The following CRACD variants were observed in gnomAD, a reference collection of about 807,000 sequenced individuals.
CRACD encodes the protein capping protein-inhibiting regulator of actin dynamics.
CRACD carries 56 observed loss-of-function variants against 106.8 expected under a neutral mutation model. That is an observed-to-expected ratio of 0.52 (90% CI 0.42 to 0.66). The LOEUF is 0.66. CRACD is among the 30% of genes least tolerant of loss of function. CRACD has a pLI of 0.00. For synonymous variants in CRACD, 754 were observed against 670.8 expected (o/e 1.12, Z -1.92); for missense variants, 1,730 against 1,623.2 (o/e 1.07, Z -1.13).
chr4:56,131,268 A>G (rs539570368), intron 1 of CRACD, among the ~76,000 whole-genome samples: 1 of 152,302 alleles, frequency 6.6e-6, no homozygotes, highest in Non-Finnish European at 1.5e-5. Flanking sequence ...CATCTCGATT[A>G]AGTGCTATAG....
At chr4:56,298,119 T>C in intron 3 of CRACD, 95 bp from the exon 4 acceptor site, 2 of 1,334,588 alleles carry the variant, frequency 1.5e-6, no homozygotes, top group South Asian at 1.4e-5. Flanking sequence ...AGACTGGGAA[T>C]GTGGGTGGAG....
At chr4:56,264,535 T>G (rs992499476) in intron 2 of CRACD, among the ~76,000 whole-genome samples, 4 of 152,200 alleles carry the variant, frequency 2.6e-5, no homozygotes, top group Non-Finnish European at 4.4e-5. Flanking sequence ...GTTCTCTGCC[T>G]CTGACCCCTG....
Position 56,197,947 on chromosome 4 carries a change from A to G in CRACD, c.-189+18517A>G, listed in dbSNP as rs1439640317. ...CCGCCTCGGCCTCCCAAAATGCTGG[A>G]ATTACAGGCGTGAGCACCTGCACCC... On this transcript the variant is annotated intron_variant, in intron 2 of 10. Transcript: ENST00000682029. Among the ~76,000 whole-genome samples the G allele has an allele frequency of 2.0e-5, 3 of 152,054 alleles. No individual in the cohort carries two copies. The East Asian group carries it at 5.8e-4, about 29-fold the overall frequency.
intron 4 of CRACD, among the ~76,000 whole-genome samples, chr4:56,306,213 G>C (rs1270886510): frequency 1.3e-5 from 2 of 152,166 alleles, no homozygotes; most frequent in East Asian, 3.8e-4. Context: ...TAAATATCAG[G>C]CCAGGTGTGG....
intron 10 of CRACD, 88 bp from the exon 11 acceptor site, chr4:56,327,556 T>C (rs1560545961): frequency 8.7e-7 from 1 of 1,146,242 alleles, no homozygotes; most frequent in Non-Finnish European, 1.3e-6. Context: ...TCATGATAAA[T>C]ACATAGTTTA....
At chr4:56,211,107 T>C (rs756815956) in intron 2 of CRACD, among the ~76,000 whole-genome samples, 2 of 152,240 alleles carry the variant, frequency 1.3e-5, no homozygotes, top group Admixed American at 6.5e-5. Flanking sequence ...TCAAGTTCAA[T>C]GTTGTGCATT....
intron 1 of CRACD, among the ~76,000 whole-genome samples, chr4:56,151,442 A>T (rs1735575582): frequency 6.6e-6 from 1 of 152,140 alleles, no homozygotes; most frequent in African/African-American, 2.4e-5. Context: ...TTGCAAATAC[A>T]ATACAAATAA....
chr4:56,150,593 T>C (rs1383842013), intron 1 of CRACD, among the ~76,000 whole-genome samples: 1 of 152,228 alleles, frequency 6.6e-6, no homozygotes, highest in East Asian at 1.9e-4. Flanking sequence ...ACTTTTGTGA[T>C]AATAATTACC....
Position 56,298,326 on chromosome 4 carries a change from C to G in CRACD, c.97C>G (p.Leu33Val). ...TVQAMSQDNI[L>V]GKVKTLQQQL... ...TCAAGCAATGTCACAGGACAACATC[C>G]TGGGCAAAGTCAAAACTCTTCAGGT... The change falls in exon 4 of 11, where the codon CTG (leucine) becomes GTG (valine). Residue 33 changes from leucine to valine, a missense_variant. Physicochemically the swap from Leu to Val is conservative, Grantham distance 32 (BLOSUM62 1). This residue lies in a region of CRACD where 1,620 missense variants were observed against 1,481.6 expected (regional missense o/e 1.09). Coordinates refer to ENST00000682029, the MANE Select transcript of CRACD (RefSeq NM_001393381.1). 6.2e-7 allele frequency: 1 copy of G among 1,614,142 alleles called. No individual in the cohort carries two copies. Among genetic ancestry groups the G allele is most frequent in the Middle Eastern group, 1.6e-4 (1 of 6,062 alleles).
Position 56,058,621 on chromosome 4 carries a change from G to A in CRACD, c.-336+9322G>A, listed in dbSNP as rs550881762. Among the ~76,000 whole-genome samples, 3 of 152,254 alleles carry A rather than the reference G, an allele frequency of 2.0e-5. No homozygotes were observed. In the East Asian group the frequency reaches 5.8e-4, roughly 29 times the overall value. On this transcript the variant is annotated intron_variant, in intron 1 of 10. Coordinates refer to ENST00000682029, the MANE Select transcript of CRACD (RefSeq NM_001393381.1). ...TTCCTGTCAGTTTTGTGAGCATAAT[G>A]GTCTTTAACTAGCAAAGATAAAAAG...
intron 2 of CRACD, among the ~76,000 whole-genome samples, chr4:56,209,411 C>T (rs1247643567): frequency 6.6e-6 from 1 of 151,988 alleles, no homozygotes; most frequent in Admixed American, 6.6e-5. Flanking sequence ...CTTCCATCAT[C>T]AAAAGCATAT....
At chr4:56,104,533 A>T (rs1273346436) in intron 1 of CRACD, among the ~76,000 whole-genome samples, 1 of 152,202 alleles carries the variant, frequency 6.6e-6, no homozygotes, top group Non-Finnish European at 1.5e-5. Flanking sequence ...TAGCTTTGAC[A>T]TTTATTTCTT....
Position 56,090,144 on chromosome 4 carries a change from C to CT in CRACD, c.-336+40853dup, listed in dbSNP as rs1000877423. Among the ~76,000 whole-genome samples the CT allele has an allele frequency of 3.5e-5, 5 of 144,506 alleles. No homozygotes were observed. The South Asian group carries it at 6.8e-4, about 20-fold the overall frequency. The allele number at this position is 144,506 out of a possible 152,430, so 94.8% of individuals were successfully genotyped here. On this transcript the variant is annotated intron_variant, in intron 1 of 10. Transcript: ENST00000682029. The stretch of plus-strand genomic sequence containing the variant: ...AATATGAAAGGTAAACTTTATTTTC[C>CT]TTTTTTTTAAAAAAAAAAAAAAACT...
At chr4:56,105,424 A>G (rs994183669) in intron 1 of CRACD, among the ~76,000 whole-genome samples, 20 of 152,190 alleles carry the variant, frequency 1.3e-4, no homozygotes, top group African/African-American at 3.6e-4. Context: ...GCTTGAGGCC[A>G]GGAGGTTGAG....
intron 1 of CRACD, among the ~76,000 whole-genome samples, chr4:56,086,275 GTGTT>G (rs965690467): frequency 2.6e-5 from 4 of 152,188 alleles, no homozygotes; most frequent in East Asian, 3.9e-4. Flanking sequence ...CTTTCTGTTA[GTGTT>G]TGTTTGTTTG....
intron 2 of CRACD, among the ~76,000 whole-genome samples, chr4:56,192,433 A>G (rs1300452211): frequency 6.6e-6 from 1 of 152,088 alleles, no homozygotes; most frequent in Non-Finnish European, 1.5e-5. Flanking sequence ...TGGGAATTTT[A>G]ACTTTTAACA....
rs183174971 is a variant in CRACD at position 56,055,599 on chromosome 4, T to C, written c.-336+6300T>C. Among the ~76,000 whole-genome samples the C allele has an allele frequency of 1.3e-3, 205 of 152,294 alleles. 1 individual carries two copies. Among genetic ancestry groups the C allele is most frequent in the African/African-American group, 4.6e-3 (190 of 41,562 alleles). The stretch of plus-strand genomic sequence containing the variant: ...GCCCTAAATGATTGCAGTCAGGATT[T>C]TTCTTCATTTTGAAAAGTTTTTAAT... On this transcript the variant is annotated intron_variant, in intron 1 of 10. Transcript: ENST00000682029.
At chr4:56,269,119 A>C (rs1742198434) in intron 2 of CRACD, among the ~76,000 whole-genome samples, 1 of 152,194 alleles carries the variant, frequency 6.6e-6, no homozygotes, top group Admixed American at 6.5e-5. Flanking sequence ...ATGGTGGCTC[A>C]TGCCTGTAAT....
At chr4:56,291,481 A>G (rs930441990) in intron 3 of CRACD, among the ~76,000 whole-genome samples, 1 of 152,140 alleles carries the variant, frequency 6.6e-6, no homozygotes, top group African/African-American at 2.4e-5. Flanking sequence ...TTCAGTTTCA[A>G]TTCCAACCCT....
Sources: gnomAD v4.1 joint callset for allele counts (sites outside exome capture counted in the v4.1 genomes callset) on GRCh38, gnomAD v4.1.1 for gene constraint, gnomAD v4.1.1 regional missense constraint, MANE v1.5 for transcripts, NCBI Gene and HGNC (gene_info 2026-07-23, HGNC 2026-07-21) for gene names.